Variants in CC2D2A observed in about 807,000 individuals in gnomAD.
CC2D2A encodes the protein coiled-coil and C2 domain containing 2A, also known as coiled-coil and C2 domain-containing protein 2A.
Under a neutral mutation model 212.9 loss-of-function variants are expected in CC2D2A, and 155 were observed. The observed-to-expected ratio is 0.73, with a 90% CI of 0.64 to 0.83. The LOEUF is 0.83. CC2D2A is among the 40% of genes least tolerant of loss of function. CC2D2A has a pLI of 0.00. For missense variants in CC2D2A, 1,856 were observed against 1,956.2 expected (o/e 0.95, Z 0.97); for synonymous variants, 667 against 686.5 (o/e 0.97, Z 0.44).
At chr4:15,510,517 G>A (rs1002449198) in intron 7 of CC2D2A, among the ~76,000 whole-genome samples, 1 of 152,274 alleles carries the variant, frequency 6.6e-6, no homozygotes, top group Middle Eastern at 3.4e-3. Context: ...GATCACTTGA[G>A]CCCATGAGGT....
At chr4:15,519,529 T>C (rs905058814) in intron 11 of CC2D2A, 1 of 449,028 alleles carries the variant, frequency 2.2e-6, no homozygotes, top group Non-Finnish European at 4.4e-6. Flanking sequence ...TGGTACCAAT[T>C]TATTGTATTA....
intron 29 of CC2D2A, among the ~76,000 whole-genome samples, chr4:15,575,806 A>G (rs1472821847): frequency 6.6e-6 from 1 of 152,270 alleles, no homozygotes; most frequent in East Asian, 1.9e-4. Flanking sequence ...ATGTTTACAC[A>G]CAAAAATACT....
In CC2D2A at chr4:15,527,528, T is replaced by G. The variant is rs1168745126; in HGVS notation, c.1231T>G (p.Ser411Ala). Residue 411 changes from serine to alanine, a missense_variant, in exon 12 of 37, where the codon TCA becomes GCA. This residue lies in a region of CC2D2A where 1,512 missense variants were observed against 1,579.3 expected (regional missense o/e 0.96). Coordinates refer to ENST00000424120, the MANE Select transcript of CC2D2A (RefSeq NM_001378615.1). The stretch of plus-strand genomic sequence containing the variant: ...AAATTTCCAACTGGACATTGATATT[T>G]CAGGGTTAATCTTCACTCATCATCC... ...PGNFQLDIDI[S>A]GLIFTHHPCF... The G allele has an allele frequency of 1.9e-6, 3 of 1,613,458 alleles. No homozygotes were observed. In the Admixed American group the frequency reaches 5.0e-5, roughly 27 times the overall value.
chr4:15,504,593 T>C (rs1035097720), intron 6 of CC2D2A, among the ~76,000 whole-genome samples: 1 of 152,176 alleles, frequency 6.6e-6, no homozygotes, highest in East Asian at 1.9e-4. Flanking sequence ...TAGCTCTCAC[T>C]GTCCATGGGC....
intron 4 of CC2D2A, 44 bp from the exon 5 acceptor site, chr4:15,502,381 CTTTT>C: frequency 7.0e-7 from 1 of 1,427,026 alleles, no homozygotes; most frequent in Non-Finnish European, 9.4e-7. Context: ...TTTTTCTTTT[CTTTT>C]TCTTTTTTTT....
intron 17 of CC2D2A, among the ~76,000 whole-genome samples, chr4:15,550,040 G>T (rs1464204005): frequency 6.6e-6 from 1 of 152,224 alleles, no homozygotes; most frequent in East Asian, 1.9e-4. Flanking sequence ...ACACAGGAAA[G>T]AAGCCAGGAG....
chr4:15,553,588 C>T (rs1459614076), intron 19 of CC2D2A, among the ~76,000 whole-genome samples: 1 of 152,110 alleles, frequency 6.6e-6, no homozygotes, highest in Non-Finnish European at 1.5e-5. Context: ...TATTCTCTCC[C>T]CTATTTTACA....
At chr4:15,503,991 C>G (rs147911785) in intron 6 of CC2D2A, among the ~76,000 whole-genome samples, 111 of 152,288 alleles carry the variant, frequency 7.3e-4, no homozygotes, top group African/African-American at 2.6e-3. Context: ...GAAAGAAAAA[C>G]AGCAAATGGC....
chr4:15,581,206 T>A (rs1293387803), intron 30 of CC2D2A, among the ~76,000 whole-genome samples: 2 of 152,210 alleles, frequency 1.3e-5, no homozygotes, highest in Non-Finnish European at 2.9e-5. Flanking sequence ...CCCCACTTTG[T>A]GTTCTACATT....
chr4:15,480,221 T>C (rs1234919641), intron 3 of CC2D2A, among the ~76,000 whole-genome samples: 2 of 152,244 alleles, frequency 1.3e-5, no homozygotes, highest in Non-Finnish European at 2.9e-5. Context: ...TTAGTCTATC[T>C]GTCCTCAAAG....
At chr4:15,584,489 C>T (rs1432797833) in intron 30 of CC2D2A, among the ~76,000 whole-genome samples, 1 of 152,080 alleles carries the variant, frequency 6.6e-6, no homozygotes, top group African/African-American at 2.4e-5. Flanking sequence ...TCACCATATA[C>T]AAAAATCAAC....
chr4:15,572,075 T>C (rs1720194533), intron 28 of CC2D2A, among the ~76,000 whole-genome samples: 1 of 152,194 alleles, frequency 6.6e-6, no homozygotes, highest in Admixed American at 6.5e-5. Context: ...CCTGGTTCAA[T>C]TCTCTGGAGC....
chr4:15,520,270 G>A (rs1717129760), intron 11 of CC2D2A, among the ~76,000 whole-genome samples: 1 of 152,056 alleles, frequency 6.6e-6, no homozygotes, highest in African/African-American at 2.4e-5. Context: ...TCAGTGGATG[G>A]CTACTTTGTA....
Position 15,516,608 on chromosome 4 carries a change from C to A in CC2D2A, c.1018-17C>A. 6.2e-7 allele frequency: 1 copy of A among 1,603,454 alleles called. No homozygotes were observed. The highest frequency in any genetic ancestry group is 8.5e-7 in the Non-Finnish European group (1 of 1,174,476). Reference sequence around the variant, plus strand: ...GATTAGAAGAAAATGTTGCCATTCCCTCTGCTTCATCTACAGGAAAGAAGA... The same window carrying A: ...GATTAGAAGAAAATGTTGCCATTCCATCTGCTTCATCTACAGGAAAGAAGA... On this transcript the variant is annotated splice_polypyrimidine_tract_variant and intron_variant, in intron 10 of 36. Coordinates refer to ENST00000424120, the MANE Select transcript of CC2D2A (RefSeq NM_001378615.1).
chr4:15,532,018 A>T (rs906986283), intron 13 of CC2D2A, among the ~76,000 whole-genome samples: 6 of 152,156 alleles, frequency 3.9e-5, no homozygotes, highest in Admixed American at 3.3e-4. Flanking sequence ...AACCCAGTGC[A>T]GTCAACTCCT....
At chr4:15,562,267 G>A (rs1719645310) in intron 23 of CC2D2A, among the ~76,000 whole-genome samples, 2 of 152,242 alleles carry the variant, frequency 1.3e-5, no homozygotes, top group Non-Finnish European at 2.9e-5. Context: ...CAGGAAGGAA[G>A]CAGAGAACCA....
At chr4:15,562,609 T>C (rs1331277918) in intron 23 of CC2D2A, among the ~76,000 whole-genome samples, 1 of 152,254 alleles carries the variant, frequency 6.6e-6, no homozygotes, top group African/African-American at 2.4e-5. Context: ...GTTACCATTT[T>C]AGGACATCTA....
chr4:15,497,093 C>A (rs56004462), intron 4 of CC2D2A, among the ~76,000 whole-genome samples: 20,319 of 151,986 alleles, frequency 0.13, 1,557 homozygotes, highest in African/African-American at 0.21. Context: ...AAAAATGAGC[C>A]CAAATAGCCA....
chr4:15,548,409 G>T (rs140164393), intron 17 of CC2D2A, among the ~76,000 whole-genome samples: 7 of 152,188 alleles, frequency 4.6e-5, no homozygotes, highest in African/African-American at 1.7e-4. Flanking sequence ...CAGGCATGGT[G>T]ACCAGCACAG....
Sources: gnomAD v4.1 joint callset for allele counts (sites outside exome capture counted in the v4.1 genomes callset) on GRCh38, gnomAD v4.1.1 for gene constraint, gnomAD v4.1.1 regional missense constraint, MANE v1.5 for transcripts, NCBI Gene and HGNC (gene_info 2026-07-23, HGNC 2026-07-21) for gene names.